Variants in TRIP11 observed in about 807,000 individuals in gnomAD.
TRIP11 encodes the protein thyroid receptor-interacting protein 11.
TRIP11 carries 148 observed loss-of-function variants against 223.1 expected under a neutral mutation model. That is an observed-to-expected ratio of 0.66 (90% confidence interval 0.58 to 0.76). TRIP11 has a LOEUF of 0.76. TRIP11 is among the 30% of genes least tolerant of loss of function. The probability of loss-of-function intolerance (pLI) is 0.00; values close to 1 mark genes in which losing one functional copy is unlikely to be tolerated. For synonymous variants in TRIP11, 762 were observed against 772.6 expected (o/e 0.99, Z 0.23); for missense variants, 2,043 against 2,222.0 (o/e 0.92, Z 1.62).
intron 11 of TRIP11, among the ~76,000 whole-genome samples, chr14:92,001,883 A>G (rs1393204069): frequency 1.3e-5 from 2 of 152,192 alleles, no homozygotes; most frequent in African/African-American, 4.8e-5. Flanking sequence ...GTTATCTCAG[A>G]AGAACACCTT....
chr14:92,008,697 A>G (rs909305592), intron 9 of TRIP11, among the ~76,000 whole-genome samples: 21 of 152,124 alleles, frequency 1.4e-4, no homozygotes, highest in African/African-American at 5.1e-4. Flanking sequence ...TATGGAATCT[A>G]CTTTAAATAG....
At chr14:91,998,473 A>G (rs1042001272) in intron 13 of TRIP11, among the ~76,000 whole-genome samples, 6 of 152,166 alleles carry the variant, frequency 3.9e-5, no homozygotes, top group Admixed American at 2.6e-4. Flanking sequence ...GCAAACATAC[A>G]TGGCTTAACA....
In TRIP11 at chr14:91,972,745, T is replaced by C; in HGVS notation, c.5691A>G (p.Arg1897=). The change falls in exon 20 of 21, where the codon AGA becomes AGG. Residue 1897 remains arginine (R), a synonymous_variant. Coordinates refer to ENST00000267622, the MANE Select transcript of TRIP11 (RefSeq NM_004239.4). ...TAAAACTTTCTGGTGCATTTGTATC[T>C]CTTTTTCTTCTTCCTGGTGAATCCA... The part of the protein sequence containing the change: ...KPLDSPGRRK[R]DTNAPESFKD... 1 of 1,612,136 alleles carries C rather than the reference T, an allele frequency of 6.2e-7. No homozygotes were observed. Among genetic ancestry groups the C allele is most frequent in the African/African-American group, 1.3e-5 (1 of 75,042 alleles).
chr14:91,999,581 A>T, intron 12 of TRIP11, 148 bp from the exon 13 acceptor site: 1 of 896,732 alleles, frequency 1.1e-6, no homozygotes, highest in Non-Finnish European at 1.7e-6. Context: ...CTAGGAAAAA[A>T]TTATCTTGAA....
intron 2 of TRIP11, chr14:92,030,597 G>A (rs1385597735): frequency 3.9e-5 from 6 of 152,236 alleles, no homozygotes; most frequent in Admixed American, 3.3e-4. Context: ...ATGTTGGTCA[G>A]GCTGGTCTCG....
At chr14:92,033,048 A>G (rs2057285972) in intron 2 of TRIP11, 144 bp downstream of exon 2, 1 of 656,854 alleles carries the variant, frequency 1.5e-6, no homozygotes, top group Non-Finnish European at 2.7e-6. Flanking sequence ...AAGGTTGATA[A>G]AAGCTCAAAA....
Position 92,006,222 on chromosome 14 carries a change from A to C in TRIP11, c.1754T>G (p.Val585Gly). The change falls in exon 11 of 21, where the codon GTA becomes GGA. Residue 585 changes from valine to glycine, a missense_variant. Coordinates refer to ENST00000267622, the MANE Select transcript of TRIP11 (RefSeq NM_004239.4). ...HLTKQKLEDK[V>G]ENLVDQLNKS... ...ATTTAGCTGATCTACTAAATTTTCT[A>C]CTTTGTCCTCAAGTTTCTGCTTGGT... is the stretch of plus-strand genomic sequence containing the variant. The C allele has an allele frequency of 6.2e-7, 1 of 1,613,184 alleles. No homozygotes were observed. The highest frequency in any genetic ancestry group is 8.5e-7 in the Non-Finnish European group (1 of 1,179,752).
intron 5 of TRIP11, among the ~76,000 whole-genome samples, chr14:92,017,160 C>T (rs376408593): frequency 6.6e-5 from 10 of 151,984 alleles, no homozygotes; most frequent in Admixed American, 5.2e-4. Flanking sequence ...AAGATAAGCT[C>T]CGTAATAAAT....
chr14:91,988,533 C>A, intron 15 of TRIP11, 150 bp from the exon 16 acceptor site: 4 of 631,114 alleles, frequency 6.3e-6, no homozygotes, highest in South Asian at 1.8e-5. Flanking sequence ...CAATAAGTAT[C>A]AAAGGCAGAA....
intron 16 of TRIP11, among the ~76,000 whole-genome samples, chr14:91,984,931 A>G (rs1296508115): frequency 6.6e-6 from 1 of 152,204 alleles, no homozygotes; most frequent in Non-Finnish European, 1.5e-5. Context: ...AATTTTTTAA[A>G]AGGAAGGATA....
chr14:92,033,026 T>C (rs1302664114), intron 2 of TRIP11, among the ~76,000 whole-genome samples, 166 bp downstream of exon 2: 6 of 152,030 alleles, frequency 3.9e-5, no homozygotes, highest in Non-Finnish European at 8.8e-5. Context: ...TAAATATATT[T>C]TTCATCTACA....
At position 91,968,842 on chromosome 14, in the gene TRIP11, G is replaced by A. The variant is rs2056366468; in HGVS notation, c.*831C>T. 1 of 233,232 alleles carries A rather than the reference G, an allele frequency of 4.3e-6. No individual in the cohort carries two copies. Among genetic ancestry groups the A allele is most frequent in the Admixed American group, 5.6e-5 (1 of 17,746 alleles). 14.4% of individuals were successfully genotyped at this position (233,232 alleles called of 1,614,324 possible). ...GATGGAGAACAGTAAGTGGTTGTCA[G>A]GGATTAAGGAGAGGGCCAGGGAGAG... On this transcript the variant is annotated 3_prime_UTR_variant, in exon 21 of 21. Coordinates refer to ENST00000267622, the MANE Select transcript of TRIP11 (RefSeq NM_004239.4).
In TRIP11 at chr14:92,015,758, TGTC is replaced by T. The variant is rs1262864085; in HGVS notation, c.758_760del (p.Arg253del). 1 of 1,613,462 alleles carries T rather than the reference TGTC, an allele frequency of 6.2e-7. No homozygotes were observed. Among genetic ancestry groups the T allele is most frequent in the Non-Finnish European group, 8.5e-7 (1 of 1,179,808 alleles). The stretch of plus-strand genomic sequence containing the variant: ...TTCATAGTCACTTAATTCTTCTCGA[TGTC>T]GTCGACTTATTTCTGTCAATTTCTG... On this transcript the variant is annotated inframe_deletion, in exon 6 of 21. Coordinates refer to ENST00000267622, the MANE Select transcript of TRIP11 (RefSeq NM_004239.4).
At chr14:92,011,098 T>G in intron 8 of TRIP11, 26 bp from the exon 9 acceptor site, 1 of 1,605,720 alleles carries the variant, frequency 6.2e-7, no homozygotes, top group Non-Finnish European at 8.5e-7. Flanking sequence ...AGCAGTGTTT[T>G]CAGGTAACAA....
chr14:91,995,340 C>T lies in TRIP11; in HGVS notation c.5056+12G>A, dbSNP rs371685990. 8.7e-6 allele frequency: 14 copies of T among 1,612,610 alleles called. No homozygotes were observed. In the East Asian group the frequency reaches 1.3e-4, roughly 15 times the overall value. On this transcript the variant is annotated intron_variant, in intron 14 of 20. Coordinates refer to ENST00000267622, the MANE Select transcript of TRIP11 (RefSeq NM_004239.4). ...AATTTTTCTTCATTGAAAGAGTGAC[C>T]GTAGAGCTTACCTTGTTGGAAATGC...
At chr14:92,025,743 G>T (rs1265914615) in intron 2 of TRIP11, among the ~76,000 whole-genome samples, 2 of 152,096 alleles carry the variant, frequency 1.3e-5, no homozygotes, top group Non-Finnish European at 2.9e-5. Context: ...AGACGGGCGT[G>T]GTGGCGTGTG....
At chr14:91,981,008 ATATATTTTTTTTTT>A (rs1458460147) in intron 16 of TRIP11, among the ~76,000 whole-genome samples, 2 of 78,326 alleles carry the variant, frequency 2.6e-5, no homozygotes, top group African/African-American at 1.3e-4. Flanking sequence ...ATATATATAT[ATATATTTTTTTTTT>A]TTTTTTTTTT....
chr14:91,966,067 T>C lies in TRIP11; in HGVS notation c.*3606A>G, dbSNP rs1333038517. On this transcript the variant is annotated 3_prime_UTR_variant, in exon 21 of 21. Transcript: ENST00000267622. ...ATATCATTTTTATTTGGAGTATTTT[T>C]TTGCCTTGCAGTGCTCCTGAGAAAT... is the stretch of plus-strand genomic sequence containing the variant. 6 of 172,000 alleles carry C rather than the reference T, an allele frequency of 3.5e-5. No homozygotes were observed. Among genetic ancestry groups the C allele is most frequent in the African/African-American group, 1.4e-4 (6 of 42,090 alleles). The allele number at this position is 172,000 out of a possible 1,614,324, so 10.7% of individuals were successfully genotyped here.
chr14:92,033,176 C>CT lies in TRIP11; in HGVS notation c.201+15dup, dbSNP rs752883422. 8.1e-6 allele frequency: 13 copies of CT among 1,609,572 alleles called. No individual in the cohort carries two copies. The highest frequency in any genetic ancestry group is 1.0e-5 in the Non-Finnish European group (12 of 1,176,436). Reference sequence around the variant, plus strand: ...TTCAAAAAAGAAAAATCTAAGTAGTCTTTGATTTTTCTTACCTCTGATCTC... The same window carrying CT: ...TTCAAAAAAGAAAAATCTAAGTAGTCTTTTGATTTTTCTTACCTCTGATCTC... On this transcript the variant is annotated intron_variant, in intron 2 of 20. Coordinates refer to ENST00000267622, the MANE Select transcript of TRIP11 (RefSeq NM_004239.4).
Sources: allele counts gnomAD v4.1 joint callset (sites outside exome capture counted in the v4.1 genomes callset), GRCh38; gene constraint gnomAD v4.1.1; transcripts MANE v1.5; gene names NCBI Gene and HGNC (gene_info 2026-07-23, HGNC 2026-07-21).